Variants in ZNF528 observed in about 807,000 individuals in gnomAD.
ZNF528 encodes the protein zinc finger protein 528.
A neutral mutation model predicts 13.3 loss-of-function variants in ZNF528; 9 were observed. The ratio of observed to expected loss-of-function variants is 0.67; its 90% CI spans 0.41 to 1.18. The LOEUF (loss-of-function observed/expected upper bound fraction) is 1.18, where lower values mean the gene tolerates loss of function less well. Among genes scored for constraint, ZNF528 ranks in the 50% most tolerant of loss-of-function variants. ZNF528 has a pLI of 0.01. For synonymous variants in ZNF528, 264 were observed against 254.3 expected (o/e 1.04, Z -0.36); for missense variants, 858 against 745.4 (o/e 1.15, Z -1.76).
intron 6 of ZNF528, chr19:52,411,917 C>A (rs1433182342): frequency 6.6e-6 from 1 of 152,166 alleles, no homozygotes; most frequent in African/African-American, 2.4e-5. Flanking sequence ...CCATCCAGAC[C>A]AAGACAAGGT....
At chr19:52,407,479 A>C (rs1599826673) in intron 6 of ZNF528, among the ~76,000 whole-genome samples, 1 of 151,776 alleles carries the variant, frequency 6.6e-6, no homozygotes, top group East Asian at 2.0e-4. Flanking sequence ...TGGATCTTTA[A>C]GTTTTTATTC....
At chr19:52,408,015 CA>C (rs1453933186) in intron 6 of ZNF528, among the ~76,000 whole-genome samples, 1 of 151,658 alleles carries the variant, frequency 6.6e-6, no homozygotes. Flanking sequence ...TCACCTGGCC[CA>C]AAACATTCTA....
At chr19:52,411,452 A>G (rs1050543018) in intron 6 of ZNF528, 10 of 152,176 alleles carry the variant, frequency 6.6e-5, no homozygotes, top group Admixed American at 5.2e-4. Flanking sequence ...TAGCTCTCAA[A>G]TCATGCAGCA....
chr19:52,406,020 C>T lies in ZNF528; in HGVS notation c.129C>T (p.Asn43=), dbSNP rs781681476. ...ACGTGATGTTGGAGAATTATAGGAA[C>T]CTGGTCTCCCTGGGTGAGGATAATG... The part of the protein sequence containing the change: ...YRDVMLENYR[N]LVSLGICLPD... Residue 43 remains asparagine (N), a synonymous_variant, in exon 5 of 7, where the codon AAC becomes AAT. Transcript: ENST00000360465. 87 of 1,610,034 alleles carry T rather than the reference C, an allele frequency of 5.4e-5. No homozygotes were observed. The Middle Eastern group carries it at 2.0e-3, about 37-fold the overall frequency.
At chr19:52,403,846 C>A (rs1221477116) in intron 4 of ZNF528, among the ~76,000 whole-genome samples, 1 of 151,840 alleles carries the variant, frequency 6.6e-6, no homozygotes, top group Non-Finnish European at 1.5e-5. Flanking sequence ...GTTTTTTAGT[C>A]AGTTGAAATT....
At chr19:52,405,412 C>A (rs1441952625) in intron 4 of ZNF528, among the ~76,000 whole-genome samples, 1 of 151,760 alleles carries the variant, frequency 6.6e-6, no homozygotes, top group Non-Finnish European at 1.5e-5. Flanking sequence ...GAGCCTGTAG[C>A]CCCAGCTACT....
intron 6 of ZNF528, chr19:52,414,842 C>A: frequency 1.1e-6 from 1 of 946,148 alleles, no homozygotes; most frequent in Non-Finnish European, 1.5e-6. Context: ...CCCTAAGAGG[C>A]TCATCCCTGC....
At chr19:52,409,272 G>T (rs1339846023) in intron 6 of ZNF528, among the ~76,000 whole-genome samples, 1 of 150,712 alleles carries the variant, frequency 6.6e-6, no homozygotes, top group African/African-American at 2.4e-5. Context: ...GAATGTATTT[G>T]GGTTAATTTT....
intron 6 of ZNF528, among the ~76,000 whole-genome samples, chr19:52,408,847 A>T (rs1278265753): frequency 1.3e-5 from 2 of 152,180 alleles, no homozygotes; most frequent in Non-Finnish European, 2.9e-5. Flanking sequence ...GATTACAGGC[A>T]TGAGCCACTG....
At position 52,406,150 on chromosome 19, in the gene ZNF528, CAG is replaced by C. The variant is rs1261143942; in HGVS notation, c.142+119_142+120del. 2.3e-6 allele frequency: 3 copies of C among 1,308,312 alleles called. No individual in the cohort carries two copies. The African/African-American group carries it at 4.4e-5, about 19-fold the overall frequency. 81.0% of individuals were successfully genotyped at this position (1,308,312 alleles called of 1,614,324 possible). A position where few individuals can be genotyped will look rare whatever the true frequency, so the allele number is the denominator to read the frequency against. On this transcript the variant is annotated intron_variant, in intron 5 of 6. Coordinates refer to ENST00000360465, the MANE Select transcript of ZNF528 (RefSeq NM_032423.3). ...GCCTGAGATTGAAACCATGTTGACT[CAG>C]AATTGAAAAACTGTATTACACTTTC...
rs1269919583 is a variant in ZNF528, at chr19:52,416,727, A to G, written c.1875A>G (p.Arg625=). The change falls in exon 7 of 7, where the codon AGA becomes AGG. Residue 625 remains arginine, a synonymous_variant. Transcript: ENST00000360465. The part of the protein sequence containing the change: ...SHNSDLAQHQ[R]VHS The stretch of plus-strand genomic sequence containing the variant: ...ATTCTGACCTTGCACAGCATCAGAG[A>G]GTTCATTCATGAGAGTCCCTACAAA... 2 of 1,585,670 alleles carry G rather than the reference A, an allele frequency of 1.3e-6. No individual in the cohort carries two copies. Among genetic ancestry groups the G allele is most frequent in the African/African-American group, 2.8e-5 (2 of 70,996 alleles).
intron 4 of ZNF528, among the ~76,000 whole-genome samples, chr19:52,405,493 T>C (rs1330452709): frequency 6.6e-6 from 1 of 152,056 alleles, no homozygotes; most frequent in Non-Finnish European, 1.5e-5. Context: ...ATTGTGGCAC[T>C]GCACTCCAGT....
At chr19:52,405,786 A>G in intron 4 of ZNF528, 121 bp from the exon 5 acceptor site, 1 of 1,345,298 alleles carries the variant, frequency 7.4e-7, no homozygotes, top group Admixed American at 1.8e-5. Context: ...AGAATACCTT[A>G]ATATGGATTT....
intron 2 of ZNF528, among the ~76,000 whole-genome samples, chr19:52,401,072 G>A (rs2058787933): frequency 6.6e-6 from 1 of 152,006 alleles, no homozygotes; most frequent in Non-Finnish European, 1.5e-5. Flanking sequence ...CACACCCTCA[G>A]CTTTTCCTTT....
intron 6 of ZNF528, among the ~76,000 whole-genome samples, chr19:52,410,185 T>C (rs756664451): frequency 6.6e-6 from 1 of 152,220 alleles, no homozygotes. Context: ...GCCACCTGCA[T>C]GGACCTTGGG....
In ZNF528 at chr19:52,398,421, A is replaced by C. The variant is rs2058754724; in HGVS notation, c.-335A>C. ...GACCCCGAGTGTGGGGGGTGACTTCAGTCTCCTGACATCCAGTGTTCTCTC... is the reference window on the plus strand; with the variant it reads ...GACCCCGAGTGTGGGGGGTGACTTCCGTCTCCTGACATCCAGTGTTCTCTC... On this transcript the variant is annotated 5_prime_UTR_variant, in exon 2 of 7. Coordinates refer to ENST00000360465, the MANE Select transcript of ZNF528 (RefSeq NM_032423.3). The C allele has an allele frequency of 4.2e-6, 1 of 236,278 alleles. No homozygotes were observed. Among genetic ancestry groups the C allele is most frequent in the Non-Finnish European group, 6.9e-6 (1 of 145,020 alleles). The allele number at this position is 236,278 out of a possible 1,614,324, so 14.6% of individuals were successfully genotyped here.
rs184557899 is a variant in ZNF528, at chr19:52,415,267, G to A, written c.415G>A (p.Val139Ile). The change falls in exon 7 of 7, where the codon GTC (valine) becomes ATC (isoleucine). Residue 139 changes from valine (V) to isoleucine (I), a missense_variant. Coordinates refer to ENST00000360465, the MANE Select transcript of ZNF528 (RefSeq NM_032423.3). ...TGGGTGTAAGCATTTTGAAAAACCC[G>A]TCAGTGACAATTCCTCAGTTTCACC... ...ISGCKHFEKP[V>I]SDNSSVSPLE... is the part of the protein sequence containing the mutation. 1.6e-4 allele frequency: 258 copies of A among 1,613,998 alleles called. No homozygotes were observed. The highest frequency in any genetic ancestry group is 1.5e-3 in the Admixed American group (92 of 59,998).
At chr19:52,405,682 C>A (rs2058847288) in intron 4 of ZNF528, among the ~76,000 whole-genome samples, 1 of 149,352 alleles carries the variant, frequency 6.7e-6, no homozygotes, top group Non-Finnish European at 1.5e-5. Flanking sequence ...TTTGTATTGT[C>A]CAAAAATGAG....
At chr19:52,406,249 G>A (rs375475150) in intron 5 of ZNF528, among the ~76,000 whole-genome samples, 12 of 152,174 alleles carry the variant, frequency 7.9e-5, no homozygotes, top group Non-Finnish European at 1.3e-4. Context: ...CACCAGGGCC[G>A]AAGTATGCAG....
Sources: gnomAD v4.1 joint callset for allele counts (sites outside exome capture counted in the v4.1 genomes callset) on GRCh38, gnomAD v4.1.1 for gene constraint, MANE v1.5 for transcripts, NCBI Gene and HGNC (gene_info 2026-07-23, HGNC 2026-07-21) for gene names.